Variants in STXBP5 observed in about 807,000 individuals in gnomAD.
The protein encoded by STXBP5 is syntaxin-binding protein 5.
Under a neutral mutation model 152.4 loss-of-function variants are expected in STXBP5, and 50 were observed. The observed-to-expected ratio is 0.33, with a 90% CI of 0.26 to 0.42. The LOEUF is 0.42. Ranked by LOEUF, STXBP5 falls within the 10% of genes least tolerant of loss-of-function variation. The pLI is 1.00. For missense variants in STXBP5, 1,167 were observed against 1,388.6 expected (o/e 0.84, Z 2.54); for synonymous variants, 492 against 494.7 (o/e 0.99, Z 0.07).
Position 147,239,315 on chromosome 6 carries a change from A to G in STXBP5, c.431+45A>G, listed in dbSNP as rs567591098. The G allele has an allele frequency of 3.5e-5, 53 of 1,535,768 alleles. 1 individual carries two copies. The highest frequency in any genetic ancestry group is 2.4e-4 in the South Asian group (21 of 87,048). On this transcript the variant is annotated intron_variant, in intron 4 of 27. Transcript: ENST00000321680. Reference sequence around the variant, plus strand: ...TCTTATGTATAGGATATTTACTATTATATTTTCTTGAATTTCAGTCTTTGA... The same window carrying G: ...TCTTATGTATAGGATATTTACTATTGTATTTTCTTGAATTTCAGTCTTTGA...
chr6:147,330,487 G>A (rs1783512677), intron 18 of STXBP5, among the ~76,000 whole-genome samples: 1 of 149,870 alleles, frequency 6.7e-6, no homozygotes, highest in African/African-American at 2.5e-5. Context: ...GATAATTGGT[G>A]AATTTAAAAG....
chr6:147,316,766 C>CTTT (rs1554297503), intron 16 of STXBP5, among the ~76,000 whole-genome samples: 1 of 81,226 alleles, frequency 1.2e-5, no homozygotes, highest in Non-Finnish European at 2.4e-5. Context: ...TCTGAAAATT[C>CTTT]TGTTTAAGTC....
At chr6:147,336,121 T>TCTC (rs1173132076) in intron 19 of STXBP5, among the ~76,000 whole-genome samples, 1 of 152,178 alleles carries the variant, frequency 6.6e-6, no homozygotes, top group East Asian at 1.9e-4. Context: ...TATGTCGGTT[T>TCTC]CTCCATATCA....
chr6:147,314,291 G>A lies in STXBP5; in HGVS notation c.1321G>A (p.Gly441Ser). 6.2e-7 allele frequency: 1 copy of A among 1,612,618 alleles called. No individual in the cohort carries two copies. Among genetic ancestry groups the A allele is most frequent in the Non-Finnish European group, 8.5e-7 (1 of 1,178,928 alleles). The change falls in exon 13 of 28, where the codon GGC becomes AGC. Residue 441 changes from glycine to serine, a missense_variant. Physicochemically the swap from Gly to Ser is moderately conservative, Grantham distance 56 (BLOSUM62 0). Transcript: ENST00000321680. ...ATGGCCCATCAACGGAGGTAATTGG[G>A]GCTTGGGTGCTCAAAGTTACCCAGA... ...KEWPINGGNW[G>S]LGAQSYPEII...
At chr6:147,248,000 T>C (rs1327863588) in intron 4 of STXBP5, among the ~76,000 whole-genome samples, 2 of 150,498 alleles carry the variant, frequency 1.3e-5, no homozygotes, top group Non-Finnish European at 3.0e-5. Context: ...CTCAGCTGGG[T>C]GCGGTGGGGT....
intron 4 of STXBP5, among the ~76,000 whole-genome samples, chr6:147,246,973 A>G (rs1778841004): frequency 6.6e-6 from 1 of 152,196 alleles, no homozygotes; most frequent in South Asian, 2.1e-4. Flanking sequence ...AAACTCATTT[A>G]TTACATTATA....
intron 18 of STXBP5, among the ~76,000 whole-genome samples, chr6:147,333,889 A>T (rs1269100087): frequency 6.6e-6 from 1 of 152,220 alleles, no homozygotes; most frequent in Non-Finnish European, 1.5e-5. Flanking sequence ...GTCAATCACC[A>T]GGCAAATTTA....
intron 2 of STXBP5, among the ~76,000 whole-genome samples, chr6:147,218,153 T>TTG (rs1777270484): frequency 6.6e-6 from 1 of 152,188 alleles, no homozygotes; most frequent in Non-Finnish European, 1.5e-5. Context: ...CCTCCTCCAT[T>TTG]ATCAGCAGAG....
At chr6:147,320,078 T>C (rs1288602197) in intron 16 of STXBP5, among the ~76,000 whole-genome samples, 1 of 152,028 alleles carries the variant, frequency 6.6e-6, no homozygotes, top group Non-Finnish European at 1.5e-5. Flanking sequence ...GGAGGCAATC[T>C]GCCTGCCTCG....
In STXBP5 at chr6:147,387,084, A is replaced by C. The variant is rs1583025232; in HGVS notation, c.*2329A>C. 1 of 151,722 alleles carries C rather than the reference A, an allele frequency of 6.6e-6. No individual in the cohort carries two copies. The highest frequency in any genetic ancestry group is 1.9e-4 in the East Asian group (1 of 5,168). The allele number at this position is 151,722 out of a possible 1,614,324, so 9.4% of individuals were successfully genotyped here. A position where few individuals can be genotyped will look rare whatever the true frequency, so the allele number is the denominator to read the frequency against. On this transcript the variant is annotated 3_prime_UTR_variant, in exon 28 of 28. Coordinates refer to ENST00000321680, the MANE Select transcript of STXBP5 (RefSeq NM_001127715.4). Reference sequence around the variant, plus strand: ...TAATTTTTAAATTAATCTACAAATTATGCACAACAAACTAGAGACTCAGTT... The same window carrying C: ...TAATTTTTAAATTAATCTACAAATTCTGCACAACAAACTAGAGACTCAGTT...
chr6:147,388,591 C>T lies in STXBP5; in HGVS notation c.*3836C>T, dbSNP rs1354326124. 6.6e-6 allele frequency: 1 copy of T among 151,176 alleles called. No homozygotes were observed. The highest frequency in any genetic ancestry group is 1.5e-5 in the Non-Finnish European group (1 of 67,536). 9.4% of individuals were successfully genotyped at this position (151,176 alleles called of 1,614,324 possible). ...AATAAGAAATACTGGTATCTCATAT[C>T]GAGATACAATTAATTTTAAAAAATC... On this transcript the variant is annotated 3_prime_UTR_variant, in exon 28 of 28. Coordinates refer to ENST00000321680, the MANE Select transcript of STXBP5 (RefSeq NM_001127715.4).
At chr6:147,372,397 C>T (rs1434538965) in intron 25 of STXBP5, among the ~76,000 whole-genome samples, 1 of 116,416 alleles carries the variant, frequency 8.6e-6, no homozygotes, top group Non-Finnish European at 1.7e-5. Flanking sequence ...ATGTTACTAC[C>T]GTCCTTTTCC....
intron 2 of STXBP5, among the ~76,000 whole-genome samples, chr6:147,215,750 G>GT (rs1013303113): frequency 3.5e-4 from 53 of 151,710 alleles, no homozygotes; most frequent in Non-Finnish European, 7.1e-4. Context: ...ATTTTTATAG[G>GT]TTTTTTTTAA....
At chr6:147,310,382 CT>C (rs1782305586) in intron 10 of STXBP5, 144 bp downstream of exon 10, 1 of 593,488 alleles carries the variant, frequency 1.7e-6, no homozygotes, top group Non-Finnish European at 2.5e-6. Flanking sequence ...AATCTACAAA[CT>C]TTATTTCAGA....
In STXBP5 at chr6:147,278,177, A is replaced by G. The variant is rs1209204706; in HGVS notation, c.811A>G (p.Lys271Glu). The change falls in exon 8 of 28, where the codon AAA becomes GAA. Residue 271 changes from lysine (K) to glutamate (E), a missense_variant. Physicochemically the swap from Lys to Glu is moderately conservative, Grantham distance 56 (BLOSUM62 1). Transcript: ENST00000321680. ...LTIWNVRSPA[K>E]PVQTITPHGK... ...TATATGGAATGTAAGGTCCCCTGCT[A>G]AACCAGTACAGACAATCACTCCACA... The G allele has an allele frequency of 1.2e-6, 2 of 1,611,922 alleles. No individual in the cohort carries two copies. Among genetic ancestry groups the G allele is most frequent in the Non-Finnish European group, 1.7e-6 (2 of 1,178,806 alleles).
chr6:147,314,857 C>T (rs553161598), intron 14 of STXBP5, among the ~76,000 whole-genome samples: 2 of 151,938 alleles, frequency 1.3e-5, no homozygotes, highest in South Asian at 4.2e-4. Context: ...TTTATTTTTT[C>T]CTTCAAAATT....
At chr6:147,254,419 C>CAACAAAAGCCAAAATT (rs1429633710) in intron 4 of STXBP5, among the ~76,000 whole-genome samples, 1 of 152,112 alleles carries the variant, frequency 6.6e-6, no homozygotes, top group Non-Finnish European at 1.5e-5. Flanking sequence ...AAAGCAATGG[C>CAACAAAAGCCAAAATT]AACAAAAGCC....
chr6:147,327,573 C>T (rs1270452114), intron 18 of STXBP5, among the ~76,000 whole-genome samples: 1 of 152,114 alleles, frequency 6.6e-6, no homozygotes, highest in Non-Finnish European at 1.5e-5. Flanking sequence ...CTCTGAGTAG[C>T]TGGGACCATA....
intron 2 of STXBP5, among the ~76,000 whole-genome samples, chr6:147,213,350 C>T (rs1035107200): frequency 6.6e-6 from 1 of 151,280 alleles, no homozygotes; most frequent in East Asian, 1.9e-4. Context: ...ACCTCCCGGG[C>T]TCAAACGATC....
Sources: allele counts gnomAD v4.1 joint callset (sites outside exome capture counted in the v4.1 genomes callset), GRCh38; gene constraint gnomAD v4.1.1; transcripts MANE v1.5; gene names NCBI Gene and HGNC (gene_info 2026-07-23, HGNC 2026-07-21).